The following CNTNAP4 variants were observed in gnomAD, a reference collection of about 807,000 sequenced individuals.
CNTNAP4 encodes the protein contactin-associated protein-like 4.
Under a neutral mutation model 148.4 loss-of-function variants are expected in CNTNAP4, and 98 were observed. That is an observed-to-expected ratio of 0.66 (90% CI 0.56 to 0.78). The LOEUF (loss-of-function observed/expected upper bound fraction) is 0.78, where lower values mean the gene tolerates loss of function less well. Ranked by LOEUF, CNTNAP4 falls within the 30% of genes least tolerant of loss-of-function variation. The pLI, the probability that CNTNAP4 is intolerant of heterozygous loss-of-function variation, is 0.00. For synonymous variants in CNTNAP4, 730 were observed against 565.1 expected (o/e 1.29, Z -4.14); for missense variants, 1,935 against 1,565.6 (o/e 1.24, Z -3.98).
intron 1 of CNTNAP4, among the ~76,000 whole-genome samples, chr16:76,291,021 T>C (rs1197541212): frequency 6.6e-6 from 1 of 152,136 alleles, no homozygotes; most frequent in Non-Finnish European, 1.5e-5. Context: ...GCCAGTCTTA[T>C]TGGATTAGGG....
intron 7 of CNTNAP4, 61 bp from the exon 8 acceptor site, chr16:76,452,447 T>A (rs1293983807): frequency 6.4e-7 from 1 of 1,552,042 alleles, no homozygotes. Context: ...AGCCTTCAAA[T>A]TCTGTTACTA....
At chr16:76,341,616 A>T (rs1964475694) in intron 2 of CNTNAP4, among the ~76,000 whole-genome samples, 1 of 152,190 alleles carries the variant, frequency 6.6e-6, no homozygotes, top group Non-Finnish European at 1.5e-5. Flanking sequence ...CATTTTTGAA[A>T]TGTTAAGTTT....
intron 10 of CNTNAP4, among the ~76,000 whole-genome samples, chr16:76,470,367 A>T (rs1461945003): frequency 6.6e-6 from 1 of 151,202 alleles, no homozygotes; most frequent in African/African-American, 2.5e-5. Context: ...CCAGCCAGAC[A>T]CGGTGACTCA....
chr16:76,529,320 A>T (rs2083873595), intron 17 of CNTNAP4, among the ~76,000 whole-genome samples: 1 of 152,104 alleles, frequency 6.6e-6, no homozygotes, highest in Non-Finnish European at 1.5e-5. Context: ...CTTCTAAAAA[A>T]TGTTTTAGGA....
At chr16:76,478,319 C>G (rs80197881) in intron 11 of CNTNAP4, among the ~76,000 whole-genome samples, 1 of 152,098 alleles carries the variant, frequency 6.6e-6, no homozygotes, top group African/African-American at 2.4e-5. Context: ...GTCATTTTTA[C>G]GTACTCTCTT....
intron 17 of CNTNAP4, 105 bp from the exon 18 acceptor site, chr16:76,535,440 T>C: frequency 8.7e-7 from 1 of 1,147,020 alleles, no homozygotes. Context: ...TATTTGCTCA[T>C]CCATTTTTTT....
chr16:76,319,975 C>T (rs1263625581), intron 2 of CNTNAP4, among the ~76,000 whole-genome samples: 2 of 152,140 alleles, frequency 1.3e-5, no homozygotes, highest in Admixed American at 6.6e-5. Context: ...AGTTTAGTGC[C>T]ACTGGAATAA....
chr16:76,533,075 T>C (rs2084054836), intron 17 of CNTNAP4, among the ~76,000 whole-genome samples: 1 of 152,010 alleles, frequency 6.6e-6, no homozygotes, highest in African/African-American at 2.4e-5. Flanking sequence ...AGCCAAGATG[T>C]GGAATCAACC....
At position 76,540,539 on chromosome 16, in the gene CNTNAP4, C is replaced by A. The variant is rs190041934; in HGVS notation, c.3355-164C>A. 4.7e-3 allele frequency among the ~76,000 whole-genome samples: 711 copies of A among 151,516 alleles called. 6 individuals carry two copies. Among genetic ancestry groups the A allele is most frequent in the African/African-American group, 0.017 (690 of 41,406 alleles). Reference sequence around the variant, plus strand: ...AATTATATAATAACACTTAGAAAAACCTTTCTAAGTGGCTAAGCTTTTAAA... The same window carrying A: ...AATTATATAATAACACTTAGAAAAAACTTTCTAAGTGGCTAAGCTTTTAAA... On this transcript the variant is annotated intron_variant, in intron 20 of 23. Transcript: ENST00000611870.
At chr16:76,334,781 G>C (rs1249774160) in intron 2 of CNTNAP4, among the ~76,000 whole-genome samples, 1 of 151,996 alleles carries the variant, frequency 6.6e-6, no homozygotes, top group Non-Finnish European at 1.5e-5. Context: ...ACAATATTCT[G>C]AGTAAGTGTT....
intron 8 of CNTNAP4, among the ~76,000 whole-genome samples, chr16:76,455,148 G>A (rs2080674071): frequency 1.3e-5 from 2 of 152,106 alleles, no homozygotes; most frequent in Non-Finnish European, 2.9e-5. Context: ...AATCCCTTAT[G>A]ACACAAAATA....
At chr16:76,361,910 T>G (rs1457836168) in intron 3 of CNTNAP4, among the ~76,000 whole-genome samples, 1 of 152,186 alleles carries the variant, frequency 6.6e-6, no homozygotes, top group Non-Finnish European at 1.5e-5. Flanking sequence ...GATTTGCATT[T>G]CCCTGATGAC....
At chr16:76,377,007 G>C (rs148712645) in intron 3 of CNTNAP4, among the ~76,000 whole-genome samples, 6 of 150,792 alleles carry the variant, frequency 4.0e-5, no homozygotes, top group African/African-American at 1.2e-4. Flanking sequence ...TTTATTTTAA[G>C]GAGTTGGCTC....
intron 12 of CNTNAP4, among the ~76,000 whole-genome samples, chr16:76,479,772 A>G (rs1301587397): frequency 6.6e-6 from 1 of 152,278 alleles, no homozygotes; most frequent in Middle Eastern, 3.4e-3. Context: ...AATGTTTCCA[A>G]TTATGTCCCC....
intron 1 of CNTNAP4, among the ~76,000 whole-genome samples, chr16:76,307,203 T>A (rs982592011): frequency 3.3e-5 from 5 of 152,072 alleles, no homozygotes; most frequent in African/African-American, 1.2e-4. Flanking sequence ...TAATTTAAAT[T>A]ATGTTTCTAA....
At chr16:76,301,803 C>T (rs1959998994) in intron 1 of CNTNAP4, among the ~76,000 whole-genome samples, 1 of 152,042 alleles carries the variant, frequency 6.6e-6, no homozygotes, top group African/African-American at 2.4e-5. Context: ...AAGGAAGTGG[C>T]ATGATCTAAG....
At chr16:76,474,306 T>C (rs1425744774) in intron 10 of CNTNAP4, among the ~76,000 whole-genome samples, 1 of 152,100 alleles carries the variant, frequency 6.6e-6, no homozygotes, top group Non-Finnish European at 1.5e-5. Context: ...TGGGAGAAGA[T>C]TTACATCTGA....
chr16:76,277,562 G>A lies in CNTNAP4; in HGVS notation c.-101G>A, dbSNP rs573565761. On this transcript the variant is annotated 5_prime_UTR_variant, in exon 1 of 24. Transcript: ENST00000611870. ...GAGGGGGAGAGACAGAGACCTAGAG[G>A]GGCTGAAGACCCAGACAGAGCTGGC... 1.4e-6 allele frequency: 1 copy of A among 738,966 alleles called. No homozygotes were observed. Among genetic ancestry groups the A allele is most frequent in the Non-Finnish European group, 2.4e-6 (1 of 424,722 alleles). The allele number at this position is 738,966 out of a possible 1,614,324, so 45.8% of individuals were successfully genotyped here.
At chr16:76,499,307 A>G (rs1043294991) in intron 15 of CNTNAP4, among the ~76,000 whole-genome samples, 1 of 152,012 alleles carries the variant, frequency 6.6e-6, no homozygotes, top group Non-Finnish European at 1.5e-5. Context: ...TTCATGTGAC[A>G]TGATTAAAGT....
Sources: gnomAD v4.1 joint callset for allele counts (sites outside exome capture counted in the v4.1 genomes callset) on GRCh38, gnomAD v4.1.1 for gene constraint, MANE v1.5 for transcripts, NCBI Gene and HGNC (gene_info 2026-07-23, HGNC 2026-07-21) for gene names.